The following RILPL2 variants were observed in gnomAD, a reference collection of about 807,000 sequenced individuals.
The protein encoded by RILPL2 is Rab interacting lysosomal protein like 2, also known as RILP-like protein 2.
A neutral mutation model predicts 22.2 loss-of-function variants in RILPL2; 19 were observed. The ratio of observed to expected loss-of-function variants is 0.86; its 90% CI spans 0.60 to 1.25. The LOEUF (loss-of-function observed/expected upper bound fraction) is 1.25. RILPL2 is among the 50% of genes most tolerant of loss of function. The pLI is 0.00. For missense variants in RILPL2, 243 were observed against 263.6 expected (o/e 0.92, Z 0.54); for synonymous variants, 123 against 111.6 (o/e 1.10, Z -0.64).
chr12:123,416,219 G>A (rs1412139323), intron 3 of RILPL2, among the ~76,000 whole-genome samples: 1 of 152,112 alleles, frequency 6.6e-6, no homozygotes, highest in Non-Finnish European at 1.5e-5. Flanking sequence ...AGCTACTCAG[G>A]AAGCTGAGGC....
intron 1 of RILPL2, among the ~76,000 whole-genome samples, chr12:123,432,499 C>T (rs1461380530): frequency 6.6e-6 from 1 of 152,120 alleles, no homozygotes; most frequent in Non-Finnish European, 1.5e-5. Flanking sequence ...AAGTGAGACC[C>T]TGTCTCAAAA....
chr12:123,411,127 C>A (rs1232185338), downstream of RILPL2: 2 of 152,022 alleles, frequency 1.3e-5, no homozygotes, highest in African/African-American at 4.8e-5. Flanking sequence ...ACTGAAACCT[C>A]CACCTCCCGG....
chr12:123,423,997 A>T (rs1879365154), intron 2 of RILPL2, among the ~76,000 whole-genome samples: 2 of 152,082 alleles, frequency 1.3e-5, no homozygotes. Context: ...TACTGCTTCA[A>T]GCTTCTCAGT....
downstream of RILPL2, chr12:123,414,261 G>C (rs540604528): frequency 1.3e-5 from 2 of 155,472 alleles, no homozygotes; most frequent in East Asian, 3.8e-4. Flanking sequence ...CCTGCCCCAC[G>C]GGAAGGCAGC....
At chr12:123,434,693 T>G (rs561052682) in intron 1 of RILPL2, among the ~76,000 whole-genome samples, 1 of 151,774 alleles carries the variant, frequency 6.6e-6, no homozygotes, top group Non-Finnish European at 1.5e-5. Context: ...CCCAAAGTGC[T>G]GGGATTACAG....
At chr12:123,428,090 A>G (rs915523136) in intron 2 of RILPL2, among the ~76,000 whole-genome samples, 1 of 152,204 alleles carries the variant, frequency 6.6e-6, no homozygotes, top group East Asian at 1.9e-4. Flanking sequence ...CGACACCAGC[A>G]GCTTGGCAGT....
Position 123,436,048 on chromosome 12 carries a change from GC to G in RILPL2, c.339+33del. The G allele has an allele frequency of 6.5e-7, 1 of 1,544,688 alleles. No homozygotes were observed. The highest frequency in any genetic ancestry group is 8.8e-7 in the Non-Finnish European group (1 of 1,141,872). On this transcript the variant is annotated intron_variant, in intron 1 of 3. Coordinates refer to ENST00000280571, the MANE Select transcript of RILPL2 (RefSeq NM_145058.3). The surrounding 1 kb of genome is among the most constrained non-coding windows in gnomAD (Gnocchi z 6.7). ...AGGTGCCCTCCTACGCCCCGCAGGC[GC>G]CGTGGGCCCGGAACCCTCGCTCCCA...
intron 3 of RILPL2, among the ~76,000 whole-genome samples, chr12:123,421,477 C>T (rs1879280455): frequency 6.6e-6 from 1 of 152,056 alleles, no homozygotes; most frequent in African/African-American, 2.4e-5. Context: ...ACTGAGCTCA[C>T]ATGAACCACT....
intron 3 of RILPL2, among the ~76,000 whole-genome samples, chr12:123,420,564 G>A (rs1349759102): frequency 6.6e-6 from 1 of 151,528 alleles, no homozygotes; most frequent in Admixed American, 6.6e-5. Context: ...AGCCTCCCGA[G>A]TAGCTGGGAT....
At chr12:123,428,960 C>T (rs1487549054) in intron 2 of RILPL2, among the ~76,000 whole-genome samples, 3 of 152,086 alleles carry the variant, frequency 2.0e-5, no homozygotes, top group Non-Finnish European at 4.4e-5. Context: ...CAGTGTTTCC[C>T]AGAATTATTT....
intron 3 of RILPL2, among the ~76,000 whole-genome samples, chr12:123,419,653 T>A (rs1879219879): frequency 6.6e-6 from 1 of 150,708 alleles, no homozygotes; most frequent in African/African-American, 2.4e-5. Context: ...TTGCCCAGGC[T>A]GGAGTGCAGG....
chr12:123,432,766 G>A (rs952806184), intron 1 of RILPL2, among the ~76,000 whole-genome samples: 4 of 152,114 alleles, frequency 2.6e-5, no homozygotes, highest in African/African-American at 9.7e-5. Context: ...GGAGAGGGAG[G>A]CAAAAATAAC....
chr12:123,416,624 ATT>A (rs1879127138), intron 3 of RILPL2, among the ~76,000 whole-genome samples: 2 of 152,218 alleles, frequency 1.3e-5, no homozygotes, highest in East Asian at 1.9e-4. Flanking sequence ...TGGGTGACAG[ATT>A]GAGACTCCGT....
intron 2 of RILPL2, among the ~76,000 whole-genome samples, chr12:123,427,898 A>T (rs1044440873): frequency 6.6e-6 from 1 of 152,128 alleles, no homozygotes; most frequent in Non-Finnish European, 1.5e-5. Context: ...CTTCAAATGG[A>T]TGCAGTTGCT....
In RILPL2 at chr12:123,415,637, C is replaced by G. The variant is rs1879096310; in HGVS notation, c.*254G>C. On this transcript the variant is annotated 3_prime_UTR_variant, in exon 4 of 4. Transcript: ENST00000280571. Reference sequence around the variant, plus strand: ...TGGGAGCAGGAAGTGGACCCCCCCACCCTGCACATCCCTTCTGTTTTTCTT... The same window carrying G: ...TGGGAGCAGGAAGTGGACCCCCCCAGCCTGCACATCCCTTCTGTTTTTCTT... 1.7e-6 allele frequency: 1 copy of G among 581,054 alleles called. No individual in the cohort carries two copies. Among genetic ancestry groups the G allele is most frequent in the South Asian group, 2.0e-5 (1 of 49,044 alleles). 36.0% of individuals were successfully genotyped at this position (581,054 alleles called of 1,614,324 possible). A position where few individuals can be genotyped will look rare whatever the true frequency, so the allele number is the denominator to read the frequency against.
intron 1 of RILPL2, among the ~76,000 whole-genome samples, chr12:123,435,331 C>T (rs1379311866): frequency 1.3e-5 from 2 of 152,162 alleles, no homozygotes; most frequent in African/African-American, 4.8e-5. Context: ...AATTTCAAAA[C>T]TCAATTGGGT....
Position 123,415,716 on chromosome 12 carries a change from C to T in RILPL2, c.*175G>A. 2 of 726,948 alleles carry T rather than the reference C, an allele frequency of 2.8e-6. No individual in the cohort carries two copies. The highest frequency in any genetic ancestry group is 4.9e-6 in the Non-Finnish European group (2 of 405,980). 45.0% of individuals were successfully genotyped at this position (726,948 alleles called of 1,614,324 possible). Reference sequence around the variant, plus strand: ...TCTTCAAGGGTGTCTAGTTCTGCAGCCAGGGAGAAAGTGATGCCAAGAGAA... The same window carrying T: ...TCTTCAAGGGTGTCTAGTTCTGCAGTCAGGGAGAAAGTGATGCCAAGAGAA... On this transcript the variant is annotated 3_prime_UTR_variant, in exon 4 of 4. Coordinates refer to ENST00000280571, the MANE Select transcript of RILPL2 (RefSeq NM_145058.3).
chr12:123,425,173 C>T (rs1374741874), intron 2 of RILPL2, among the ~76,000 whole-genome samples: 1 of 151,742 alleles, frequency 6.6e-6, no homozygotes, highest in Non-Finnish European at 1.5e-5. Flanking sequence ...CTGCGCCCGG[C>T]CTTATTATTA....
chr12:123,413,472 G>C (rs950076211), downstream of RILPL2: 2 of 154,238 alleles, frequency 1.3e-5, no homozygotes, highest in African/African-American at 4.8e-5. Context: ...AAGGCGGCGC[G>C]TCTGGAGTTG....
Sources: gnomAD v4.1 joint callset for allele counts (sites outside exome capture counted in the v4.1 genomes callset) on GRCh38, gnomAD v4.1.1 for gene constraint, Gnocchi (gnomAD v3.1) non-coding constraint, MANE v1.5 for transcripts, NCBI Gene and HGNC (gene_info 2026-07-23, HGNC 2026-07-21) for gene names.